OSTN: variants seen among roughly 807,000 people sequenced by gnomAD.
OSTN encodes osteocrin.
A neutral mutation model predicts 12.0 loss-of-function variants in OSTN; 9 were observed. That is an observed-to-expected ratio of 0.75 (90% CI 0.45 to 1.30). The LOEUF is 1.30. Ranked by LOEUF, OSTN falls within the 50% of genes most tolerant of loss-of-function variation. The pLI is 0.00. For synonymous variants in OSTN, 59 were observed against 56.9 expected (o/e 1.04, Z -0.16); for missense variants, 148 against 152.3 (o/e 0.97, Z 0.15).
intron 3 of OSTN, among the ~76,000 whole-genome samples, chr3:191,222,184 G>C (rs150031741): frequency 6.6e-6 from 1 of 152,366 alleles, no homozygotes; most frequent in Non-Finnish European, 1.5e-5. Context: ...GTGCAGAAGG[G>C]AAATTTTGGG....
chr3:191,237,022 TTTGCAGAA>T (rs1715207988), intron 3 of OSTN, among the ~76,000 whole-genome samples: 1 of 152,152 alleles, frequency 6.6e-6, no homozygotes, highest in African/African-American at 2.4e-5. Context: ...ACTTAATTTC[TTTGCAGAA>T]AGTAGCTTTC....
At position 191,243,715 on chromosome 3, in the gene OSTN, T is replaced by C. The variant is rs532483299; in HGVS notation, c.318-6322T>C. 6.6e-5 allele frequency among the ~76,000 whole-genome samples: 10 copies of C among 152,258 alleles called. No homozygotes were observed. In the South Asian group the frequency reaches 8.3e-4, roughly 13 times the overall value. ...TTTGTTTTGGTGAGAACACTTAAGA[T>C]CTGCTCTTAGCAAATTTCAAGTATA... is the stretch of plus-strand genomic sequence containing the variant. On this transcript the variant is annotated intron_variant, in intron 3 of 4. Coordinates refer to ENST00000682035, the MANE Select transcript of OSTN (RefSeq NM_198184.2).
intron 1 of OSTN, among the ~76,000 whole-genome samples, chr3:191,206,455 G>T (rs1029978641): frequency 6.6e-6 from 1 of 152,156 alleles, no homozygotes; most frequent in Non-Finnish European, 1.5e-5. Context: ...AGTGAAAGAG[G>T]AAAATATTTC....
chr3:191,219,390 T>A (rs1273306018), intron 3 of OSTN, among the ~76,000 whole-genome samples: 1 of 152,218 alleles, frequency 6.6e-6, no homozygotes, highest in African/African-American at 2.4e-5. Flanking sequence ...GAGTGACAAG[T>A]TCTCAGAACG....
intron 3 of OSTN, among the ~76,000 whole-genome samples, chr3:191,247,762 TATCA>T (rs1715465848): frequency 6.6e-6 from 1 of 152,234 alleles, no homozygotes; most frequent in African/African-American, 2.4e-5. Flanking sequence ...AATTAGAACT[TATCA>T]ATGTTTATAG....
At chr3:191,244,733 A>G (rs1715392186) in intron 3 of OSTN, among the ~76,000 whole-genome samples, 1 of 150,150 alleles carries the variant, frequency 6.7e-6, no homozygotes, top group Non-Finnish European at 1.5e-5. Context: ...ATGGTTTCTG[A>G]TTATGTGCTT....
At chr3:191,253,947 A>G (rs1341454215) in intron 4 of OSTN, among the ~76,000 whole-genome samples, 1 of 152,258 alleles carries the variant, frequency 6.6e-6, no homozygotes, top group Admixed American at 6.5e-5. Context: ...CCAAACTAAC[A>G]GCTTTGGAGA....
At chr3:191,210,424 A>C (rs1042376976) in intron 1 of OSTN, among the ~76,000 whole-genome samples, 1 of 152,238 alleles carries the variant, frequency 6.6e-6, no homozygotes, top group Non-Finnish European at 1.5e-5. Context: ...GTCACACCAA[A>C]ACAAATGTAG....
At chr3:191,215,882 A>G (rs557298821) in intron 2 of OSTN, among the ~76,000 whole-genome samples, 3 of 151,996 alleles carry the variant, frequency 2.0e-5, no homozygotes, top group Admixed American at 2.0e-4. Context: ...GAGCTATCCA[A>G]TTTGGGGCCT....
chr3:191,242,708 C>T (rs1006146242), intron 3 of OSTN, among the ~76,000 whole-genome samples: 29 of 152,078 alleles, frequency 1.9e-4, no homozygotes, highest in African/African-American at 6.0e-4. Flanking sequence ...TTAATTTCAA[C>T]GTATTAAAAA....
intron 4 of OSTN, among the ~76,000 whole-genome samples, chr3:191,261,574 G>A (rs1488070087): frequency 1.3e-5 from 2 of 152,166 alleles, no homozygotes; most frequent in Non-Finnish European, 2.9e-5. Context: ...CTGGCTGCAT[G>A]AATGCAAATC....
intron 3 of OSTN, among the ~76,000 whole-genome samples, chr3:191,231,181 C>T (rs1715045134): frequency 6.6e-6 from 1 of 151,796 alleles, no homozygotes; most frequent in Non-Finnish European, 1.5e-5. Flanking sequence ...AAGTAGAAAA[C>T]AATGAAAGAC....
rs1715152073 is a variant in OSTN at position 191,234,906 on chromosome 3, CCAAAAAGATCAGCCTCCTAGGACT to C, written c.318-15130_318-15107del. Reference sequence around the variant, plus strand: ...GAGGGCACAGGAACATTTATATGTTCCAAAAAGATCAGCCTCCTAGGACTGAAAGTAGGGTGAGAAAAGGCAGCA... The same window carrying C: ...GAGGGCACAGGAACATTTATATGTTCGAAAGTAGGGTGAGAAAAGGCAGCA... On this transcript the variant is annotated intron_variant, in intron 3 of 4. Coordinates refer to ENST00000682035, the MANE Select transcript of OSTN (RefSeq NM_198184.2). Among the ~76,000 whole-genome samples the C allele has an allele frequency of 5.9e-5, 9 of 151,982 alleles. No individual in the cohort carries two copies. The South Asian group carries it at 1.9e-3, about 32-fold the overall frequency.
chr3:191,244,313 T>C (rs1292058183), intron 3 of OSTN, among the ~76,000 whole-genome samples: 1 of 152,044 alleles, frequency 6.6e-6, no homozygotes, highest in African/African-American at 2.4e-5. Flanking sequence ...ATAAACAATC[T>C]AATCATTGTG....
At chr3:191,218,653 TATGTC>T in intron 2 of OSTN, 89 bp from the exon 3 acceptor site, 1 of 956,276 alleles carries the variant, frequency 1.0e-6, no homozygotes, top group Non-Finnish European at 1.6e-6. Context: ...ACATGATGAG[TATGTC>T]AGCTAACAGT....
chr3:191,204,796 T>C (rs765120134), intron 1 of OSTN, among the ~76,000 whole-genome samples: 2 of 152,230 alleles, frequency 1.3e-5, no homozygotes, highest in Non-Finnish European at 1.5e-5. Flanking sequence ...GTTTTTTCAA[T>C]ATAAGTTTTG....
intron 3 of OSTN, among the ~76,000 whole-genome samples, chr3:191,234,910 A>G (rs1233704112): frequency 6.6e-6 from 1 of 152,128 alleles, no homozygotes; most frequent in Non-Finnish European, 1.5e-5. Flanking sequence ...TATGTTCCAA[A>G]AAGATCAGCC....
chr3:191,231,923 A>G (rs1408937695), intron 3 of OSTN, among the ~76,000 whole-genome samples: 2 of 152,184 alleles, frequency 1.3e-5, no homozygotes, highest in African/African-American at 4.8e-5. Context: ...CACTGTTTAG[A>G]AACAGAATTA....
At chr3:191,234,297 GGTAGA>G (rs1470857202) in intron 3 of OSTN, among the ~76,000 whole-genome samples, 1 of 152,148 alleles carries the variant, frequency 6.6e-6, no homozygotes, top group Non-Finnish European at 1.5e-5. Flanking sequence ...TCTGGGTACA[GGTAGA>G]TTATAATGGA....
Sources: allele counts gnomAD v4.1 joint callset (sites outside exome capture counted in the v4.1 genomes callset), GRCh38; gene constraint gnomAD v4.1.1; transcripts MANE v1.5; gene names NCBI Gene and HGNC (gene_info 2026-07-23, HGNC 2026-07-21).